METTL22: variants seen among roughly 807,000 people sequenced by gnomAD.
The protein encoded by METTL22 is methyltransferase 22, Kin17 lysine.
Under a neutral mutation model 48.4 loss-of-function variants are expected in METTL22, and 51 were observed. The observed-to-expected ratio is 1.05, with a 90% confidence interval of 0.84 to 1.33. METTL22 has a LOEUF of 1.33. Among genes scored for constraint, METTL22 ranks in the 40% most tolerant of loss-of-function variants. The probability of loss-of-function intolerance (pLI) is 0.00; values close to 1 mark genes in which losing one functional copy is unlikely to be tolerated. For missense variants in METTL22, 678 were observed against 526.9 expected (o/e 1.29, Z -2.81); for synonymous variants, 255 against 214.1 (o/e 1.19, Z -1.67).
rs1407190169 is a variant in METTL22, at chr16:8,646,800, G to A, written c.*657G>A. ...AGGGTTTGTGCAGTGATCTTCCTCA[G>A]AGGTGTTCCCTTCCGCCTGGACTCA... On this transcript the variant is annotated 3_prime_UTR_variant, in exon 11 of 11. Transcript: ENST00000381920. 2 of 402,692 alleles carry A rather than the reference G, an allele frequency of 5.0e-6. No homozygotes were observed. The highest frequency in any genetic ancestry group is 2.1e-5 in the African/African-American group (1 of 48,450). The allele number at this position is 402,692 out of a possible 1,614,324, so 24.9% of individuals were successfully genotyped here. A position where few individuals can be genotyped will look rare whatever the true frequency, so the allele number is the denominator to read the frequency against.
the METTL22 span, among the ~76,000 whole-genome samples, chr16:8,656,857 G>C: frequency 6.6e-6 from 1 of 152,260 alleles, no homozygotes; most frequent in Non-Finnish European, 1.5e-5. Flanking sequence ...GGGCCTTCTT[G>C]CTGCATGATA....
Position 8,642,446 on chromosome 16 carries a change from C to T in METTL22, c.908-17C>T. On this transcript the variant is annotated splice_polypyrimidine_tract_variant and intron_variant, in intron 8 of 10. Coordinates refer to ENST00000381920, the MANE Select transcript of METTL22 (RefSeq NM_024109.4). ...TTGCGTGTTTTCCTCTAATGCTGGCCTTTTTGCTTCCCACAGTGTTTTACG... is the reference window on the plus strand; with the variant it reads ...TTGCGTGTTTTCCTCTAATGCTGGCTTTTTTGCTTCCCACAGTGTTTTACG... The T allele has an allele frequency of 6.2e-7, 1 of 1,612,604 alleles. No homozygotes were observed. The highest frequency in any genetic ancestry group is 8.5e-7 in the Non-Finnish European group (1 of 1,178,636).
intron 3 of METTL22, chr16:8,631,589 C>G (rs964612642): frequency 6.6e-6 from 1 of 152,220 alleles, no homozygotes; most frequent in African/African-American, 2.4e-5. Flanking sequence ...AAGCCTCTGT[C>G]CTGGGGACTG....
chr16:8,638,951 T>C, intron 5 of METTL22, 140 bp from the exon 6 acceptor site: 1 of 755,164 alleles, frequency 1.3e-6, no homozygotes. Flanking sequence ...GTATTTAATT[T>C]TGGCAGTAAG....
At chr16:8,650,126 G>T (rs1224105554), downstream of METTL22, among the ~76,000 whole-genome samples, 2 of 152,164 alleles carry the variant, frequency 1.3e-5, no homozygotes, top group Non-Finnish European at 2.9e-5. Flanking sequence ...AGGAGTTTGA[G>T]ATCAGCCTGG....
At position 8,639,063 on chromosome 16, in the gene METTL22, C is replaced by G. The variant is rs752454007; in HGVS notation, c.701-28C>G. 2.4e-5 allele frequency: 39 copies of G among 1,613,166 alleles called. No individual in the cohort carries two copies. The African/African-American group carries it at 3.3e-4, about 14-fold the overall frequency. On this transcript the variant is annotated intron_variant, in intron 5 of 10. Transcript: ENST00000381920. ...GATAAAAGTGTCGTAGTGGCTGGCA[C>G]TTTATGGCTTGCCCTCTGTCATTCC...
intron 3 of METTL22, 41 bp from the exon 4 acceptor site, chr16:8,634,998 A>G (rs759995410): frequency 6.8e-6 from 11 of 1,612,214 alleles, no homozygotes; most frequent in Admixed American, 6.7e-5. Context: ...GTCCATCCCC[A>G]TTTCACAGTG....
chr16:8,660,250 C>T, the METTL22 span, among the ~76,000 whole-genome samples: 3 of 152,066 alleles, frequency 2.0e-5, no homozygotes, highest in Non-Finnish European at 4.4e-5. Flanking sequence ...GATCTCAGCT[C>T]ACTGCAGCCT....
At position 8,625,621 on chromosome 16, in the gene METTL22, A is replaced by G; in HGVS notation, c.-45A>G. 2 of 1,608,604 alleles carry G rather than the reference A, an allele frequency of 1.2e-6. No individual in the cohort carries two copies. The highest frequency in any genetic ancestry group is 1.1e-5 in the South Asian group (1 of 90,708). On this transcript the variant is annotated 5_prime_UTR_variant, in exon 2 of 11. Coordinates refer to ENST00000381920, the MANE Select transcript of METTL22 (RefSeq NM_024109.4). ...CCTGCCATGCTGAGGACCCATTCTCACCTCTGAGGGACTCCTGTCCTAGGA... is the reference window on the plus strand; with the variant it reads ...CCTGCCATGCTGAGGACCCATTCTCGCCTCTGAGGGACTCCTGTCCTAGGA...
Position 8,624,542 on chromosome 16 carries a change from C to G in METTL22, c.-170-954C>G, listed in dbSNP as rs368632748. 6.2e-4 allele frequency among the ~76,000 whole-genome samples: 94 copies of G among 152,002 alleles called. 1 individual carries two copies. The highest frequency in any genetic ancestry group is 2.2e-3 in the African/African-American group (92 of 41,470). On this transcript the variant is annotated intron_variant, in intron 1 of 10. Coordinates refer to ENST00000381920, the MANE Select transcript of METTL22 (RefSeq NM_024109.4). ...CTACCAGCGCGCGCCACGACACCCGCCTAATTCCACTCATCTTTTTAAATT... is the reference window on the plus strand; with the variant it reads ...CTACCAGCGCGCGCCACGACACCCGGCTAATTCCACTCATCTTTTTAAATT...
downstream of METTL22, among the ~76,000 whole-genome samples, chr16:8,654,184 C>T (rs1028067416): frequency 6.6e-6 from 1 of 152,144 alleles, no homozygotes; most frequent in African/African-American, 2.4e-5. Context: ...AGGGAGTAGG[C>T]AAGGGGGCCA....
chr16:8,661,547 G>A, the METTL22 span, among the ~76,000 whole-genome samples: 8 of 138,644 alleles, frequency 5.8e-5, 2 homozygotes, highest in African/African-American at 2.2e-4. Context: ...TGCGGAGGCT[G>A]AGGAGGAGAA....
At chr16:8,664,308 G>C in the METTL22 span, among the ~76,000 whole-genome samples, 1 of 152,030 alleles carries the variant, frequency 6.6e-6, no homozygotes, top group Admixed American at 6.6e-5. Flanking sequence ...ACCATGCCCA[G>C]CTAATTTTTG....
intron 6 of METTL22, chr16:8,639,746 G>T (rs2056537382): frequency 1.3e-5 from 2 of 158,262 alleles, no homozygotes; most frequent in South Asian, 1.8e-4. Flanking sequence ...ACGGCCTGCA[G>T]GGATGAGTGT....
At chr16:8,660,874 GGAA>G in the METTL22 span, among the ~76,000 whole-genome samples, 164 of 23,342 alleles carry the variant, frequency 7.0e-3, 43 homozygotes, top group Non-Finnish European at 0.014. Flanking sequence ...AGGAGGAGGA[GGAA>G]GAGGAGGAGG....
intron 9 of METTL22, among the ~76,000 whole-genome samples, chr16:8,643,130 C>G (rs540946326): frequency 1.9e-4 from 29 of 152,212 alleles, no homozygotes; most frequent in Non-Finnish European, 3.4e-4. Flanking sequence ...TTCTGAAGAT[C>G]GTTCGGAATC....
chr16:8,665,075 G>A, the METTL22 span, among the ~76,000 whole-genome samples: 6 of 152,164 alleles, frequency 3.9e-5, no homozygotes, highest in Admixed American at 1.3e-4. Context: ...AGTTTCCACG[G>A]TATCCTCTAA....
intron 3 of METTL22, among the ~76,000 whole-genome samples, chr16:8,633,620 CAG>C (rs921061088): frequency 6.6e-6 from 1 of 152,158 alleles, no homozygotes; most frequent in African/African-American, 2.4e-5. Context: ...CAGAAAGAGA[CAG>C]AAAACTGCAG....
At chr16:8,625,195 A>T (rs991447157) in intron 1 of METTL22, among the ~76,000 whole-genome samples, 2 of 152,160 alleles carry the variant, frequency 1.3e-5, no homozygotes, top group Non-Finnish European at 2.9e-5. Flanking sequence ...TGATGTCTAC[A>T]ATGTACTCTC....
Sources: allele counts gnomAD v4.1 joint callset (sites outside exome capture counted in the v4.1 genomes callset), GRCh38; gene constraint gnomAD v4.1.1; transcripts MANE v1.5; gene names NCBI Gene and HGNC (gene_info 2026-07-23, HGNC 2026-07-21).